Variants in GTF2IRD1 observed in about 807,000 individuals in gnomAD.
GTF2IRD1 encodes GTF2I repeat domain containing 1, also known as general transcription factor II-I repeat domain-containing protein 1.
A neutral mutation model predicts 113.2 loss-of-function variants in GTF2IRD1; 26 were observed. That is an observed-to-expected ratio of 0.23 (90% CI 0.17 to 0.32). GTF2IRD1 has a LOEUF of 0.32. Among genes scored for constraint, GTF2IRD1 ranks in the 10% least tolerant of loss-of-function variants. The pLI is 1.00. For missense variants in GTF2IRD1, 864 were observed against 1,280.8 expected, an observed-to-expected ratio of 0.67 and a Z score of 4.97; for synonymous variants, 484 against 529.1, an observed-to-expected ratio of 0.91 and a Z score of 1.17.
chr7:74,528,920 TGGAC>T (rs71094794), intron 8 of GTF2IRD1, among the ~76,000 whole-genome samples: 5 of 102,254 alleles, frequency 4.9e-5, no homozygotes, highest in East Asian at 2.7e-4. Flanking sequence ...GATGGATGGA[TGGAC>T]GGACAACCGG....
intron 1 of GTF2IRD1, among the ~76,000 whole-genome samples, chr7:74,467,949 A>G (rs1488688854): frequency 6.6e-6 from 1 of 152,084 alleles, no homozygotes; most frequent in Non-Finnish European, 1.5e-5. Context: ...CCTCTGGGCT[A>G]TTTAGACACA....
chr7:74,503,300 C>T (rs2129909237), intron 1 of GTF2IRD1, among the ~76,000 whole-genome samples: 1 of 152,320 alleles, frequency 6.6e-6, no homozygotes, highest in South Asian at 2.1e-4. Context: ...CCTTGCTTCA[C>T]AGGTGGGCGG....
At chr7:74,549,446 C>T (rs781804513) in intron 17 of GTF2IRD1, among the ~76,000 whole-genome samples, 9 of 152,142 alleles carry the variant, frequency 5.9e-5, no homozygotes, top group Non-Finnish European at 1.2e-4. Flanking sequence ...CGAGGAGATC[C>T]GCTGGGACAG....
intron 17 of GTF2IRD1, among the ~76,000 whole-genome samples, chr7:74,548,162 A>C (rs1799071677): frequency 6.6e-6 from 1 of 152,152 alleles, no homozygotes. Flanking sequence ...TCACGCCTGT[A>C]ATCCCAGCAC....
chr7:74,559,743 G>C (rs782647245), intron 22 of GTF2IRD1, 88 bp downstream of exon 22: 10 of 1,118,416 alleles, frequency 8.9e-6, no homozygotes, highest in Non-Finnish European at 1.2e-5. Flanking sequence ...GTGGGGCACA[G>C]GTTCTGGGGT....
At chr7:74,561,330 C>T (rs1199821178) in intron 22 of GTF2IRD1, among the ~76,000 whole-genome samples, 1 of 132,750 alleles carries the variant, frequency 7.5e-6, no homozygotes, top group African/African-American at 2.9e-5. Context: ...CCTTGGGCGA[C>T]GGGACTAGAT....
intron 1 of GTF2IRD1, among the ~76,000 whole-genome samples, chr7:74,473,755 C>A (rs1794239897): frequency 6.6e-6 from 1 of 152,106 alleles, no homozygotes; most frequent in East Asian, 1.9e-4. Context: ...ACCCACCATC[C>A]TGGACAGCCC....
At chr7:74,481,054 C>T (rs1794715036) in intron 1 of GTF2IRD1, among the ~76,000 whole-genome samples, 1 of 152,244 alleles carries the variant, frequency 6.6e-6, no homozygotes, top group Admixed American at 6.5e-5. Context: ...ACTTCCTGGA[C>T]TGCCCCTTTG....
At chr7:74,491,013 A>G (rs1795305199) in intron 1 of GTF2IRD1, among the ~76,000 whole-genome samples, 1 of 152,152 alleles carries the variant, frequency 6.6e-6, no homozygotes, top group South Asian at 2.1e-4. Context: ...GCCTTAAAGC[A>G]ACAGAAATTT....
At chr7:74,557,234 C>G (rs1480916265) in intron 19 of GTF2IRD1, among the ~76,000 whole-genome samples, 2 of 152,146 alleles carry the variant, frequency 1.3e-5, no homozygotes, top group Non-Finnish European at 1.5e-5. Flanking sequence ...GACTGCCCAT[C>G]CTCCTCCATC....
At chr7:74,501,807 GTGC>G (rs1554339603) in intron 1 of GTF2IRD1, among the ~76,000 whole-genome samples, 1 of 152,074 alleles carries the variant, frequency 6.6e-6, no homozygotes, top group African/African-American at 2.4e-5. Context: ...ACCTACCACA[GTGC>G]CTGGCTAATT....
intron 1 of GTF2IRD1, among the ~76,000 whole-genome samples, chr7:74,496,593 GGTGTGGGTGTGCATGTATGTGGGTGTGC>G (rs1795740920): frequency 9.7e-6 from 1 of 103,108 alleles, no homozygotes; most frequent in Non-Finnish European, 2.0e-5. Flanking sequence ...TGTGTGGGTG[GGTGTGGGTGTGCATGTATGTGGGTGTGC>G]GTGTGGGTGT....
intron 1 of GTF2IRD1, among the ~76,000 whole-genome samples, chr7:74,481,362 G>C (rs903446870): frequency 2.0e-4 from 30 of 151,868 alleles, no homozygotes; most frequent in African/African-American, 7.3e-4. Context: ...TTGCGATGTT[G>C]CCCAGGCTGG....
chr7:74,464,638 G>A (rs892828639), intron 1 of GTF2IRD1, among the ~76,000 whole-genome samples: 17 of 152,054 alleles, frequency 1.1e-4, no homozygotes, highest in Non-Finnish European at 7.4e-5. Flanking sequence ...AGTAGAGACG[G>A]GGTTTCGCCA....
At chr7:74,564,601 A>T (rs1386840968) in intron 22 of GTF2IRD1, among the ~76,000 whole-genome samples, 1 of 152,074 alleles carries the variant, frequency 6.6e-6, no homozygotes, top group Non-Finnish European at 1.5e-5. Flanking sequence ...ACATTTTTTT[A>T]AATTAGCCAG....
chr7:74,556,184 G>A (rs1192174446), intron 19 of GTF2IRD1, among the ~76,000 whole-genome samples: 2 of 151,398 alleles, frequency 1.3e-5, no homozygotes, highest in Non-Finnish European at 2.9e-5. Context: ...CCTGGGAGGC[G>A]GAGATTGCAG....
chr7:74,600,925 CT>C, intron 25 of GTF2IRD1, 118 bp from the exon 26 acceptor site: 1 of 1,099,426 alleles, frequency 9.1e-7, no homozygotes, highest in South Asian at 1.4e-5. Context: ...GATCAGGAGC[CT>C]GAAATCCTGA....
intron 4 of GTF2IRD1, among the ~76,000 whole-genome samples, chr7:74,517,660 TCCTC>T (rs1797028237): frequency 6.6e-6 from 1 of 151,062 alleles, no homozygotes; most frequent in African/African-American, 2.4e-5. Context: ...CCTCAAGTGA[TCCTC>T]CCTCCTCAGC....
chr7:74,497,946 C>T (rs1795823087), intron 1 of GTF2IRD1, among the ~76,000 whole-genome samples: 1 of 152,102 alleles, frequency 6.6e-6, no homozygotes, highest in Admixed American at 6.6e-5. Flanking sequence ...TTAGATGATC[C>T]GCCTGCCTTG....
Sources: allele counts gnomAD v4.1 joint callset (sites outside exome capture counted in the v4.1 genomes callset), GRCh38; gene constraint gnomAD v4.1.1; transcripts MANE v1.5; gene names NCBI Gene and HGNC (gene_info 2026-07-23, HGNC 2026-07-21).